Variants in NLGN3 observed in about 807,000 individuals in gnomAD.
NLGN3 encodes neuroligin-3.
NLGN3 carries 11 observed loss-of-function variants against 42.9 expected under a neutral mutation model. The ratio of observed to expected loss-of-function variants is 0.26; its 90% CI spans 0.16 to 0.42. The LOEUF (loss-of-function observed/expected upper bound fraction) is 0.42, where lower values mean the gene tolerates loss of function less well. Ranked by LOEUF, NLGN3 falls within the 10% of genes least tolerant of loss-of-function variation. The probability of loss-of-function intolerance (pLI) is 1.00; values close to 1 mark genes in which losing one functional copy is unlikely to be tolerated. For synonymous variants in NLGN3, 279 were observed against 312.7 expected (o/e 0.89, Z 1.14); for missense variants, 374 against 733.8 (o/e 0.51, Z 5.67).
chrX:71,171,739 C>G (rs2092471694), downstream of NLGN3: 1 of 664,664 alleles, frequency 1.5e-6, no homozygotes, highest in South Asian at 7.9e-5. Flanking sequence ...GTTTGCTGCT[C>G]TGTGAATTAG....
In NLGN3 at chrX:71,155,983, C is replaced by T. The variant is rs767359390; in HGVS notation, c.727+620C>T. ...ATACCCACACGGTCTGTGTACTCCA[C>T]GTCTGCACCCCGCAGATGGCTCTCA... On this transcript the variant is annotated intron_variant, in intron 5 of 7. Transcript: ENST00000358741. Among the ~76,000 whole-genome samples the T allele has an allele frequency of 3.6e-5, 4 of 110,713 alleles. No individual in the cohort carries two copies. In the South Asian group the frequency reaches 1.5e-3, roughly 43 times the overall value.
rs767386841 is a variant in NLGN3, at chrX:71,148,089, G to A, written c.340G>A (p.Val114Met). Residue 114 changes from valine to methionine, a missense_variant, in exon 2 of 8, where the codon GTG becomes ATG. By Grantham distance (21) the Val-to-Met change is conservative (BLOSUM62 1). Around this residue, in one of 6 missense-constraint regions of NLGN3, gnomAD observed 109 missense variants for 173.3 expected, o/e 0.63. Transcript: ENST00000358741. ...PVCPQNIHTA[V>M]PEVMLPVWFT... ...GTGCCCCCAGAACATCCACACAGCT[G>A]TGCCCGAAGTCATGCTGCCGGTCTG... 8.3e-7 allele frequency: 1 copy of A among 1,210,138 alleles called. No homozygotes were observed. The highest frequency in any genetic ancestry group is 1.8e-5 in the South Asian group (1 of 56,912).
At position 71,170,686 on chromosome X, in the gene NLGN3, A is replaced by G. The variant is rs1011153932; in HGVS notation, c.*589A>G. The G allele has an allele frequency of 2.6e-6, 2 of 764,932 alleles. No homozygotes were observed. The highest frequency in any genetic ancestry group is 1.5e-4 in the Admixed American group (2 of 13,525). The allele number at this position is 764,932 out of a possible 1,213,427, so 63.0% of individuals were successfully genotyped here. On this transcript the variant is annotated 3_prime_UTR_variant, in exon 8 of 8. Coordinates refer to ENST00000358741, the MANE Select transcript of NLGN3 (RefSeq NM_181303.2). Reference sequence around the variant, plus strand: ...TCTGGCTCTAGGACCCCCAGTGCTCACACAATCAGACCAAGGAACAAGACC... The same window carrying G: ...TCTGGCTCTAGGACCCCCAGTGCTCGCACAATCAGACCAAGGAACAAGACC...
Position 71,155,330 on chromosome X carries a change from GT to G in NLGN3, c.695del (p.Val232AlafsTer11). The G allele has an allele frequency of 8.2e-7, 1 of 1,212,307 alleles. No homozygotes were observed. Among genetic ancestry groups the G allele is most frequent in the Non-Finnish European group, 1.1e-6 (1 of 895,597 alleles). On this transcript the variant is annotated frameshift_variant, in exon 5 of 8. Transcript: ENST00000358741. LOFTEE classifies it high-confidence loss of function. ...SILASYGNVI[V>X]ITLNYRVGVL... ...CCTCGCCAGTTATGGCAATGTCATC[GT>G]CATCACCCTCAACTATCGGGTTGGA...
At chrX:71,156,257 C>T (rs1364900532) in intron 5 of NLGN3, among the ~76,000 whole-genome samples, 1 of 107,734 alleles carries the variant, frequency 9.3e-6, no homozygotes, top group Non-Finnish European at 1.9e-5. Flanking sequence ...TATCCCCCTG[C>T]ACACCCTACT....
downstream of NLGN3, among the ~76,000 whole-genome samples, chrX:71,174,571 C>T (rs758442606): frequency 1.4e-4 from 16 of 111,810 alleles, no homozygotes; most frequent in Non-Finnish European, 2.8e-4. Context: ...ACAAATCATG[C>T]CCCACTGGGT....
chrX:71,168,916 G>A (rs1310605682), intron 7 of NLGN3, among the ~76,000 whole-genome samples: 1 of 108,892 alleles, frequency 9.2e-6, no homozygotes, highest in Non-Finnish European at 1.9e-5. Flanking sequence ...AAGAGACTTC[G>A]GGTTCAGCAA....
intron 5 of NLGN3, among the ~76,000 whole-genome samples, chrX:71,162,282 C>T (rs2092432968): frequency 9.0e-6 from 1 of 111,001 alleles, no homozygotes; most frequent in Admixed American, 9.6e-5. Flanking sequence ...ACCACCACAA[C>T]TGGCTAATTT....
intron 5 of NLGN3, among the ~76,000 whole-genome samples, chrX:71,157,770 T>C (rs2092415079): frequency 9.0e-6 from 1 of 111,340 alleles, no homozygotes; most frequent in African/African-American, 3.3e-5. Context: ...GAAGATACTC[T>C]TTTGGGGTTC....
intron 5 of NLGN3, among the ~76,000 whole-genome samples, chrX:71,163,640 C>G (rs775515764): frequency 2.9e-4 from 33 of 112,376 alleles, no homozygotes; most frequent in Non-Finnish European, 5.4e-4. Context: ...ATCCTTGTTA[C>G]AACCCTGTGA....
rs777700145 is a variant in NLGN3 at position 71,153,241 on chromosome X, C to T, written c.518-236C>T. Reference sequence around the variant, plus strand: ...AGATGGGCTGTTGGGGACAAGGAGGCGGGGCAAGGCGGTGCAGAGAGGCCA... The same window carrying T: ...AGATGGGCTGTTGGGGACAAGGAGGTGGGGCAAGGCGGTGCAGAGAGGCCA... On this transcript the variant is annotated intron_variant, in intron 3 of 7. Transcript: ENST00000358741. Among the ~76,000 whole-genome samples the T allele has an allele frequency of 6.2e-5, 7 of 112,548 alleles. No individual in the cohort carries two copies. The East Asian group carries it at 2.0e-3, about 32-fold the overall frequency.
chrX:71,155,994 C>T (rs1194556330), intron 5 of NLGN3, among the ~76,000 whole-genome samples: 1 of 110,566 alleles, frequency 9.0e-6, no homozygotes, highest in African/African-American at 3.3e-5. Flanking sequence ...GTCTGCACCC[C>T]GCAGATGGCT....
At chrX:71,146,161 A>T (rs1304187253) in intron 1 of NLGN3, among the ~76,000 whole-genome samples, 13 of 48,695 alleles carry the variant, frequency 2.7e-4, no homozygotes, top group African/African-American at 1.3e-3. Flanking sequence ...TCTCACACAC[A>T]CACACACACA....
At chrX:71,158,619 GAAGA>G (rs1202567893) in intron 5 of NLGN3, among the ~76,000 whole-genome samples, 5 of 111,809 alleles carry the variant, frequency 4.5e-5, no homozygotes, top group African/African-American at 9.8e-5. Context: ...AGCTAGGAAT[GAAGA>G]AAGAGAGCAT....
intron 5 of NLGN3, among the ~76,000 whole-genome samples, chrX:71,156,851 G>A (rs776343955): frequency 2.7e-5 from 3 of 111,259 alleles, no homozygotes; most frequent in Admixed American, 9.6e-5. Context: ...CCCCACCCCC[G>A]CATTCTCTGC....
chrX:71,156,850 C>T (rs975181231), intron 5 of NLGN3, among the ~76,000 whole-genome samples: 5 of 111,851 alleles, frequency 4.5e-5, no homozygotes, highest in African/African-American at 9.7e-5. Context: ...TCCCCACCCC[C>T]GCATTCTCTG....
downstream of NLGN3, chrX:71,171,826 G>C (rs1157701596): frequency 7.2e-6 from 1 of 138,283 alleles, no homozygotes. Context: ...CAACCCTGGG[G>C]CATGGATTCA....
rs1003880049 is a variant in NLGN3, at chrX:71,167,327, T to A, written c.1230T>A (p.Gly410=). The A allele has an allele frequency of 8.3e-7, 1 of 1,211,005 alleles. No homozygotes were observed. The highest frequency in any genetic ancestry group is 1.1e-6 in the Non-Finnish European group (1 of 895,196). Residue 410 remains glycine, a synonymous_variant, in exon 7 of 8, where the codon GGT becomes GGA. Coordinates refer to ENST00000358741, the MANE Select transcript of NLGN3 (RefSeq NM_181303.2). ...TGCTAGGTGTCAACCAGGGCGAGGG[T>A]CTCAAGTTTGTGGAAGGGGTGGTGG... ...DIMLGVNQGE[G]LKFVEGVVDP...
chrX:71,169,793 G>T lies in NLGN3; in HGVS notation c.2243G>T (p.Arg748Leu), dbSNP rs748757954. 1.4e-5 allele frequency: 17 copies of T among 1,207,326 alleles called. No individual in the cohort carries two copies. Among genetic ancestry groups the T allele is most frequent in the Non-Finnish European group, 1.3e-5 (12 of 893,749 alleles). The change falls in exon 8 of 8, where the codon CGG (arginine) becomes CTG (leucine). Residue 748 changes from arginine to leucine, a missense_variant. By Grantham distance (102) the Arg-to-Leu change is moderately radical. Transcript: ENST00000358741. ...QEPLRQPSPQ[R>L]GAGAPELGAA... ...CCCCTGCGGCAGCCTAGCCCTCAGC[G>T]GGGAGCCGGGGCCCCGGAGTTGGGA...
Sources: gnomAD v4.1 joint callset for allele counts (sites outside exome capture counted in the v4.1 genomes callset) on GRCh38, gnomAD v4.1.1 for gene constraint, gnomAD v4.1.1 regional missense constraint, MANE v1.5 for transcripts, NCBI Gene and HGNC (gene_info 2026-07-23, HGNC 2026-07-21) for gene names.